SPRY3: variants seen among roughly 807,000 people sequenced by gnomAD.
SPRY3 encodes protein sprouty homolog 3.
SPRY3 carries 15 observed loss-of-function variants against 20.2 expected under a neutral mutation model. That is an observed-to-expected ratio of 0.74 (90% CI 0.50 to 1.14). The LOEUF (loss-of-function observed/expected upper bound fraction) is 1.14, where lower values mean the gene tolerates loss of function less well. Ranked by LOEUF, SPRY3 falls within the 50% of genes most tolerant of loss-of-function variation. The pLI, the probability that SPRY3 is intolerant of heterozygous loss-of-function variation, is 0.00. For missense variants in SPRY3, 364 were observed against 363.9 expected (o/e 1.00, Z 0.00); for synonymous variants, 143 against 136.5 (o/e 1.05, Z -0.33).
chrX:155,704,368 TG>T (rs2090933737), intron 2 of SPRY3, among the ~76,000 whole-genome samples: 1 of 151,622 alleles, frequency 6.6e-6, no homozygotes, highest in African/African-American at 2.4e-5. Flanking sequence ...ATAACGGAGA[TG>T]AAGAATGCCT....
chrX:155,703,813 GT>G (rs1327538491), intron 2 of SPRY3, among the ~76,000 whole-genome samples: 5 of 151,808 alleles, frequency 3.3e-5, no homozygotes, highest in Non-Finnish European at 5.9e-5. Context: ...CTGGTATGTG[GT>G]GTCTTTGTTC....
At chrX:155,776,041 A>G (rs2091423235) in exon 4 of SPRY3, 1 of 167,066 alleles carries the variant, frequency 6.0e-6, no homozygotes, top group Non-Finnish European at 1.5e-5. Flanking sequence ...TCTGACTCCT[A>G]GTTCAGTATT....
chrX:155,776,204 CA>C (rs1339373408), exon 4 of SPRY3: 1 of 167,070 alleles, frequency 6.0e-6, no homozygotes, highest in African/African-American at 2.4e-5. Flanking sequence ...AATTAACTAT[CA>C]GGTGTTGAGG....
At chrX:155,628,469 A>G (rs1191187286) in intron 1 of SPRY3, among the ~76,000 whole-genome samples, 1 of 112,322 alleles carries the variant, frequency 8.9e-6, no homozygotes, top group Non-Finnish European at 1.9e-5. Flanking sequence ...TTTACAAGGA[A>G]CTTAAACAAA....
chrX:155,624,677 A>G (rs140195596), intron 1 of SPRY3, among the ~76,000 whole-genome samples: 4,956 of 111,454 alleles, frequency 0.044, 128 homozygotes, highest in Middle Eastern at 0.13. Context: ...GATTAGTTTC[A>G]TATGTTATTT....
In SPRY3 at chrX:155,774,274, C is replaced by T; in HGVS notation, c.403C>T (p.Gln135Ter). Residue 135 changes from glutamine to a stop codon, truncating the protein, a stop_gained, in exon 4 of 4, where the codon CAA (glutamine) becomes TAA (stop). Transcript: ENST00000675360. LOFTEE classifies it high-confidence loss of function. ...TGGTGCTCTGAAGGGAGAAGCTGAGCAATCTGCAGGGCACCCTAGTGAGCA... is the reference window on the plus strand; with the variant it reads ...TGGTGCTCTGAAGGGAGAAGCTGAGTAATCTGCAGGGCACCCTAGTGAGCA... 6.2e-7 allele frequency: 1 copy of T among 1,614,026 alleles called. No individual in the cohort carries two copies. The highest frequency in any genetic ancestry group is 8.5e-7 in the Non-Finnish European group (1 of 1,179,878).
At chrX:155,782,405 G>T (rs1280910082) in exon 2 of SPRY3, 2 of 166,894 alleles carry the variant, frequency 1.2e-5, no homozygotes, top group Admixed American at 6.6e-5. Flanking sequence ...CCCCCTAGGA[G>T]TCATACATCT....
chrX:155,723,623 T>G (rs1569386703), intron 2 of SPRY3, among the ~76,000 whole-genome samples: 2 of 152,156 alleles, frequency 1.3e-5, no homozygotes. Context: ...CACTTTTTGA[T>G]GTTGTTGTTT....
chrX:155,669,198 A>G (rs1365114835), intron 2 of SPRY3, among the ~76,000 whole-genome samples: 1 of 111,608 alleles, frequency 9.0e-6, no homozygotes, highest in Non-Finnish European at 1.9e-5. Flanking sequence ...TACCACATTC[A>G]TATTTTCCAA....
At chrX:155,708,808 C>T (rs1453728716) in intron 2 of SPRY3, among the ~76,000 whole-genome samples, 2 of 151,180 alleles carry the variant, frequency 1.3e-5, no homozygotes, top group Non-Finnish European at 3.0e-5. Flanking sequence ...GACTCTAGTT[C>T]CCCCATTGTT....
At chrX:155,771,247 C>T (rs1569401769) in intron 3 of SPRY3, among the ~76,000 whole-genome samples, 1 of 152,100 alleles carries the variant, frequency 6.6e-6, no homozygotes, top group African/African-American at 2.4e-5. Context: ...AGACAGGATC[C>T]CCTTTGAACA....
intron 2 of SPRY3, among the ~76,000 whole-genome samples, chrX:155,700,402 C>A (rs985695592): frequency 9.2e-6 from 1 of 109,282 alleles, no homozygotes; most frequent in Non-Finnish European, 1.9e-5. Context: ...ACAAGTTAGA[C>A]ACAATTACCA....
chrX:155,708,619 T>G (rs2090966934), intron 2 of SPRY3, among the ~76,000 whole-genome samples: 1 of 151,614 alleles, frequency 6.6e-6, no homozygotes, highest in South Asian at 2.1e-4. Context: ...TTAATTTCTG[T>G]ACATAGCAGG....
chrX:155,698,867 G>T (rs2124001431), intron 2 of SPRY3, among the ~76,000 whole-genome samples: 1 of 111,857 alleles, frequency 8.9e-6, no homozygotes, highest in Admixed American at 9.5e-5. Flanking sequence ...AAAATCAATG[G>T]TGTAGAGATT....
intron 2 of SPRY3, chrX:155,767,735 A>AGAGAGAGGAGGAGGAG (rs2091346951): frequency 5.0e-5 from 3 of 59,594 alleles, no homozygotes; most frequent in Non-Finnish European, 1.1e-4. Flanking sequence ...GAGGAGGAGG[A>AGAGAGAGGAGGAGGAG]GAGAGAGGAG....
intron 2 of SPRY3, among the ~76,000 whole-genome samples, chrX:155,679,741 C>G (rs1052372492): frequency 4.5e-5 from 5 of 111,561 alleles, no homozygotes; most frequent in Admixed American, 9.5e-5. Flanking sequence ...TCTGTATTAG[C>G]CTTTATAAAT....
In SPRY3 at chrX:155,616,333, G is replaced by T. The variant is rs782007882; in HGVS notation, c.-441+3686G>T. Among the ~76,000 whole-genome samples, 3 of 110,177 alleles carry T rather than the reference G, an allele frequency of 2.7e-5. No homozygotes were observed. In the South Asian group the frequency reaches 1.2e-3, roughly 43 times the overall value. On this transcript the variant is annotated intron_variant, in intron 1 of 3. Coordinates refer to ENST00000675360, the Ensembl canonical transcript of SPRY3. ...GACACTAAGCCATATCAGGTCCTCT[G>T]AAAAGCAAATCTACAGATCTATCGT...
At chrX:155,759,070 C>T (rs956518062) in intron 2 of SPRY3, among the ~76,000 whole-genome samples, 2 of 142,640 alleles carry the variant, frequency 1.4e-5, no homozygotes, top group Non-Finnish European at 1.5e-5. Context: ...CTTATTAATT[C>T]TTTTTTTTTT....
intron 2 of SPRY3, among the ~76,000 whole-genome samples, chrX:155,698,446 C>T (rs1414489972): frequency 8.9e-6 from 1 of 111,826 alleles, no homozygotes. Context: ...TAAACTTCAT[C>T]TTCAGGCTAA....
Sources: allele counts gnomAD v4.1 joint callset (sites outside exome capture counted in the v4.1 genomes callset), GRCh38; gene constraint gnomAD v4.1.1; transcripts MANE v1.5; gene names NCBI Gene and HGNC (gene_info 2026-07-23, HGNC 2026-07-21).